JAKMIP2: variants seen among roughly 807,000 people sequenced by gnomAD.
JAKMIP2 encodes janus kinase and microtubule-interacting protein 2.
JAKMIP2 carries 25 observed loss-of-function variants against 115.0 expected under a neutral mutation model. The ratio of observed to expected loss-of-function variants is 0.22; its 90% CI spans 0.16 to 0.30. The LOEUF is 0.30. Ranked by LOEUF, JAKMIP2 falls within the 10% of genes least tolerant of loss-of-function variation. JAKMIP2 has a pLI of 1.00. For synonymous variants in JAKMIP2, 334 were observed against 343.6 expected, an observed-to-expected ratio of 0.97 and a Z score of 0.31; for missense variants, 642 against 957.6, an observed-to-expected ratio of 0.67 and a Z score of 4.35.
intron 1 of JAKMIP2, among the ~76,000 whole-genome samples, chr5:147,721,364 T>C (rs957994481): frequency 1.3e-5 from 2 of 152,238 alleles, no homozygotes; most frequent in East Asian, 1.9e-4. Context: ...CCTTGAGCTG[T>C]GGTGGGCTCC....
At position 147,710,742 on chromosome 5, in the gene JAKMIP2, C is replaced by A. The variant is rs1752745291; in HGVS notation, c.-148-38788G>T. Among the ~76,000 whole-genome samples the A allele has an allele frequency of 2.6e-5, 4 of 152,062 alleles. No individual in the cohort carries two copies. In the South Asian group the frequency reaches 8.3e-4, roughly 32 times the overall value. Reference sequence around the variant, plus strand: ...ATGTATTGTTATGGCACAATGAATTCAAAATTCACCAAGGCTCTGCTAAAG... The same window carrying A: ...ATGTATTGTTATGGCACAATGAATTAAAAATTCACCAAGGCTCTGCTAAAG... On this transcript the variant is annotated intron_variant, in intron 1 of 21. Transcript: ENST00000616793.
intron 1 of JAKMIP2, among the ~76,000 whole-genome samples, chr5:147,723,151 G>C (rs1375214720): frequency 6.6e-6 from 1 of 151,932 alleles, no homozygotes; most frequent in Non-Finnish European, 1.5e-5. Context: ...TTTATGTCCT[G>C]TTCATCTTAT....
chr5:147,700,798 C>T, intron 1 of JAKMIP2, among the ~76,000 whole-genome samples: 1 of 152,176 alleles, frequency 6.6e-6, no homozygotes, highest in Non-Finnish European at 1.5e-5. Flanking sequence ...CCTAAACTTG[C>T]TTTCTTTTGT....
At chr5:147,614,691 G>T (rs1360029909) in intron 19 of JAKMIP2, among the ~76,000 whole-genome samples, 1 of 152,224 alleles carries the variant, frequency 6.6e-6, no homozygotes, top group East Asian at 1.9e-4. Flanking sequence ...AGAAGGAAGA[G>T]TTAGTTGAGT....
chr5:147,681,707 A>T (rs1760289617), intron 1 of JAKMIP2, among the ~76,000 whole-genome samples: 1 of 152,114 alleles, frequency 6.6e-6, no homozygotes, highest in African/African-American at 2.4e-5. Flanking sequence ...GGAGATGGGC[A>T]TCATAGGAAT....
At chr5:147,618,804 A>T (rs1045429410) in intron 18 of JAKMIP2, among the ~76,000 whole-genome samples, 3 of 152,178 alleles carry the variant, frequency 2.0e-5, no homozygotes, top group Non-Finnish European at 4.4e-5. Flanking sequence ...ATTTAAAGAC[A>T]TCTACCACGG....
intron 18 of JAKMIP2, among the ~76,000 whole-genome samples, chr5:147,619,898 C>T (rs1435310056): frequency 6.6e-6 from 1 of 152,138 alleles, no homozygotes; most frequent in Non-Finnish European, 1.5e-5. Flanking sequence ...GAATAATAAT[C>T]TTACCTATAC....
intron 2 of JAKMIP2, 105 bp downstream of exon 2, chr5:147,671,573 G>T: frequency 1.0e-6 from 1 of 994,566 alleles, no homozygotes; most frequent in Non-Finnish European, 1.3e-6. Context: ...TCTGGCAAAG[G>T]GCAGGAGTCC....
chr5:147,649,327 T>C (rs183969032), intron 4 of JAKMIP2, among the ~76,000 whole-genome samples: 118 of 152,314 alleles, frequency 7.7e-4, no homozygotes, highest in African/African-American at 2.5e-3. Flanking sequence ...GATAAGTAAC[T>C]AATATGTATT....
Position 147,636,988 on chromosome 5 carries a change from C to T in JAKMIP2, c.1591G>A (p.Ala531Thr). 2 of 872,992 alleles carry T rather than the reference C, an allele frequency of 2.3e-6. No individual in the cohort carries two copies. Among genetic ancestry groups the T allele is most frequent in the Non-Finnish European group, 4.0e-6 (2 of 501,686 alleles). The allele number at this position is 872,992 out of a possible 1,614,324, so 54.1% of individuals were successfully genotyped here. A position where few individuals can be genotyped will look rare whatever the true frequency, so the allele number is the denominator to read the frequency against. ...ACCTGCCCTTTCTGAGCCAGAGTCG[C>T]TTCCAGGTCTTCAATTTTGGCTTTA... ...RYKAKIEDLE[A>T]TLAQKGQDSH... is the part of the protein sequence containing the mutation. The change falls in exon 11 of 22, where the codon GCG (alanine) becomes ACG (threonine). Residue 531 changes from alanine (A) to threonine (T), a missense_variant. Physicochemically the swap from Ala to Thr is moderately conservative, Grantham distance 58. This residue lies in a region of JAKMIP2 where 103 missense variants were observed against 177.6 expected (regional missense o/e 0.58). Coordinates refer to ENST00000616793, the MANE Select transcript of JAKMIP2 (RefSeq NM_001270941.2).
chr5:147,688,948 A>G (rs1485333264), intron 1 of JAKMIP2, among the ~76,000 whole-genome samples: 1 of 152,218 alleles, frequency 6.6e-6, no homozygotes, highest in Admixed American at 6.5e-5. Context: ...TGCTAAGTAA[A>G]TATACTGTGC....
intron 1 of JAKMIP2, among the ~76,000 whole-genome samples, chr5:147,709,396 A>G (rs1752696823): frequency 6.6e-6 from 1 of 152,202 alleles, no homozygotes; most frequent in Non-Finnish European, 1.5e-5. Flanking sequence ...AAATATTTCT[A>G]TATATAATAA....
chr5:147,595,009 G>A (rs1017460197), intron 21 of JAKMIP2, among the ~76,000 whole-genome samples: 47 of 152,130 alleles, frequency 3.1e-4, no homozygotes, highest in African/African-American at 1.1e-3. Context: ...TGGTGATGTG[G>A]GAAATGTGGT....
intron 1 of JAKMIP2, among the ~76,000 whole-genome samples, chr5:147,737,514 T>C (rs1753971115): frequency 6.6e-6 from 1 of 152,188 alleles, no homozygotes; most frequent in Non-Finnish European, 1.5e-5. Flanking sequence ...CTTTAAGGTA[T>C]ACTTTCTGAC....
chr5:147,667,539 A>C (rs530761769), intron 2 of JAKMIP2, among the ~76,000 whole-genome samples: 1 of 152,306 alleles, frequency 6.6e-6, no homozygotes, highest in South Asian at 2.1e-4. Flanking sequence ...AAGCTAAGCT[A>C]ACATAAACTT....
chr5:147,734,103 C>G (rs1021260470), intron 1 of JAKMIP2, among the ~76,000 whole-genome samples: 3 of 152,014 alleles, frequency 2.0e-5, no homozygotes, highest in African/African-American at 7.2e-5. Flanking sequence ...AGGATATGAA[C>G]AAACACTTCT....
In JAKMIP2 at chr5:147,748,763, GT is replaced by G. The variant is rs564727962; in HGVS notation, c.-149+33692del. On this transcript the variant is annotated intron_variant, in intron 1 of 21. Transcript: ENST00000616793. ...CAAATGGCACACCTAGCCCTAACCAGTTTTTCATACCTTATGCAAATAGCAC... is the reference window on the plus strand; with the variant it reads ...CAAATGGCACACCTAGCCCTAACCAGTTTTCATACCTTATGCAAATAGCAC... Among the ~76,000 whole-genome samples the G allele has an allele frequency of 1.4e-3, 211 of 152,272 alleles. 2 individuals are homozygous for G. Among genetic ancestry groups the G allele is most frequent in the East Asian group, 4.4e-3 (23 of 5,176 alleles).
At chr5:147,726,783 C>T (rs985197897) in intron 1 of JAKMIP2, among the ~76,000 whole-genome samples, 2 of 152,190 alleles carry the variant, frequency 1.3e-5, no homozygotes, top group African/African-American at 2.4e-5. Context: ...GTTTTATGTC[C>T]TTGGAAGCTT....
intron 1 of JAKMIP2, among the ~76,000 whole-genome samples, chr5:147,765,116 T>TA (rs1055382731): frequency 2.7e-5 from 4 of 148,356 alleles, no homozygotes; most frequent in Non-Finnish European, 6.0e-5. Context: ...ATAGATACAT[T>TA]AAAAAAAATA....
Sources: gnomAD v4.1 joint callset for allele counts (sites outside exome capture counted in the v4.1 genomes callset) on GRCh38, gnomAD v4.1.1 for gene constraint, gnomAD v4.1.1 regional missense constraint, MANE v1.5 for transcripts, NCBI Gene and HGNC (gene_info 2026-07-23, HGNC 2026-07-21) for gene names.